CACNA2D1: variants seen among roughly 807,000 people sequenced by gnomAD.
CACNA2D1 encodes the protein calcium voltage-gated channel auxiliary subunit alpha2delta 1.
In CACNA2D1, 53 loss-of-function variants were observed where a neutral mutation model predicts 171.5. That is an observed-to-expected ratio of 0.31 (90% CI 0.25 to 0.39). CACNA2D1 has a LOEUF of 0.39. CACNA2D1 is among the 10% of genes least tolerant of loss of function. The pLI is 1.00. For synonymous variants in CACNA2D1, 442 were observed against 443.1 expected, an observed-to-expected ratio of 1.00 and a Z score of 0.03; for missense variants, 903 against 1,299.8, an observed-to-expected ratio of 0.69 and a Z score of 4.69.
At chr7:82,228,255 CA>C (rs1249086198) in intron 3 of CACNA2D1, among the ~76,000 whole-genome samples, 6 of 152,110 alleles carry the variant, frequency 3.9e-5, no homozygotes, top group African/African-American at 1.4e-4. Flanking sequence ...ATGAGTTTTA[CA>C]GCTGCCAAAA....
At chr7:82,102,312 A>G (rs1029530245) in intron 6 of CACNA2D1, among the ~76,000 whole-genome samples, 2 of 152,156 alleles carry the variant, frequency 1.3e-5, no homozygotes, top group African/African-American at 4.8e-5. Context: ...GGGAAAAAAA[A>G]TCCTGAGAAG....
chr7:82,423,960 A>G (rs1389683725), intron 1 of CACNA2D1, among the ~76,000 whole-genome samples: 1 of 152,148 alleles, frequency 6.6e-6, no homozygotes, highest in East Asian at 1.9e-4. Context: ...TAAGTAAAAG[A>G]AGGTTTATAA....
Position 81,947,826 on chromosome 7 carries a change from A to T in CACNA2D1, c.*2566T>A, listed in dbSNP as rs2129884118. On this transcript the variant is annotated 3_prime_UTR_variant, in exon 39 of 39. Transcript: ENST00000356860. Reference sequence around the variant, plus strand: ...AAATATGCTAAAAGCATGAAGACTAATATTAGTCATGGGAACAACTTTTAT... The same window carrying T: ...AAATATGCTAAAAGCATGAAGACTATTATTAGTCATGGGAACAACTTTTAT... 1 of 152,030 alleles carries T rather than the reference A, an allele frequency of 6.6e-6. No individual in the cohort carries two copies. The highest frequency in any genetic ancestry group is 1.9e-4 in the East Asian group (1 of 5,176). 9.4% of individuals were successfully genotyped at this position (152,030 alleles called of 1,614,324 possible). A position where few individuals can be genotyped will look rare whatever the true frequency, so the allele number is the denominator to read the frequency against.
chr7:82,148,306 AATG>A (rs1183418395), intron 4 of CACNA2D1, among the ~76,000 whole-genome samples: 1 of 152,012 alleles, frequency 6.6e-6, no homozygotes, highest in Non-Finnish European at 1.5e-5. Context: ...AAGAAGTCTA[AATG>A]ATGAGGCATA....
chr7:82,255,429 T>C (rs1712184604), intron 3 of CACNA2D1, among the ~76,000 whole-genome samples: 2 of 152,176 alleles, frequency 1.3e-5, no homozygotes, highest in African/African-American at 4.8e-5. Context: ...AGGTGAGCAC[T>C]TTATAAATAT....
intron 1 of CACNA2D1, among the ~76,000 whole-genome samples, chr7:82,437,342 G>GA (rs1830183055): frequency 6.6e-6 from 1 of 151,862 alleles, no homozygotes; most frequent in Non-Finnish European, 1.5e-5. Context: ...TAATTACACA[G>GA]AAAAAAAGAG....
intron 4 of CACNA2D1, among the ~76,000 whole-genome samples, chr7:82,169,358 C>T (rs910133082): frequency 6.6e-6 from 1 of 151,830 alleles, no homozygotes; most frequent in Non-Finnish European, 1.5e-5. Context: ...AATATTAATA[C>T]CAATCAAGTT....
At chr7:82,370,904 A>G (rs908060923) in intron 1 of CACNA2D1, among the ~76,000 whole-genome samples, 3 of 152,198 alleles carry the variant, frequency 2.0e-5, no homozygotes, top group African/African-American at 7.2e-5. Context: ...TAATGAAAAG[A>G]TCCCAAGAAC....
intron 3 of CACNA2D1, among the ~76,000 whole-genome samples, chr7:82,312,509 CTTTTTT>C (rs557443177): frequency 1.7e-5 from 2 of 118,990 alleles, no homozygotes; most frequent in African/African-American, 3.3e-5. Context: ...TTAACTGAAA[CTTTTTT>C]TTTTTTTTTT....
chr7:82,227,517 G>A (rs2214725), intron 3 of CACNA2D1, among the ~76,000 whole-genome samples: 134,984 of 152,150 alleles, frequency 0.89, 60,087 homozygotes, highest in East Asian at 1. Context: ...GGACTTATCA[G>A]TAATAGTGAC....
intron 3 of CACNA2D1, among the ~76,000 whole-genome samples, chr7:82,220,938 C>T (rs1176478434): frequency 2.0e-5 from 3 of 151,924 alleles, no homozygotes; most frequent in Non-Finnish European, 4.4e-5. Flanking sequence ...GCCACCATGC[C>T]CGGCTATTTG....
At chr7:82,263,102 C>CTT (rs759968270) in intron 3 of CACNA2D1, among the ~76,000 whole-genome samples, 11,718 of 107,862 alleles carry the variant, frequency 0.11, 1,913 homozygotes, top group African/African-American at 0.29. Context: ...CATAACACCA[C>CTT]TTTTTTTTTT....
At chr7:82,059,512 G>T (rs1036230632) in intron 10 of CACNA2D1, among the ~76,000 whole-genome samples, 4 of 152,070 alleles carry the variant, frequency 2.6e-5, no homozygotes, top group Non-Finnish European at 5.9e-5. Context: ...TAATCATACT[G>T]CCAAGTTGCT....
chr7:82,038,260 T>A, intron 10 of CACNA2D1, 25 bp from the exon 11 acceptor site: 1 of 1,592,468 alleles, frequency 6.3e-7, no homozygotes, highest in East Asian at 2.2e-5. Flanking sequence ...AAAGTAAATA[T>A]ATAAATGAAC....
intron 35 of CACNA2D1, among the ~76,000 whole-genome samples, 199 bp downstream of exon 35, chr7:81,962,241 G>A (rs1794222773): frequency 6.6e-6 from 1 of 151,912 alleles, no homozygotes; most frequent in African/African-American, 2.4e-5. Context: ...AGATGGCTAT[G>A]AGATCAGGCC....
intron 5 of CACNA2D1, among the ~76,000 whole-genome samples, chr7:82,121,210 C>A (rs1789694712): frequency 1.3e-5 from 2 of 152,096 alleles, no homozygotes; most frequent in Non-Finnish European, 2.9e-5. Context: ...TTCCATCATA[C>A]CCACCTAGGT....
intron 3 of CACNA2D1, among the ~76,000 whole-genome samples, chr7:82,186,081 G>C (rs1390891335): frequency 1.3e-5 from 2 of 151,738 alleles, no homozygotes; most frequent in East Asian, 2.0e-4. Flanking sequence ...GCTTGAACCC[G>C]GGAGGTGGAG....
intron 4 of CACNA2D1, among the ~76,000 whole-genome samples, chr7:82,159,967 T>A (rs1794773032): frequency 6.6e-6 from 1 of 150,492 alleles, no homozygotes; most frequent in South Asian, 2.1e-4. Context: ...ATCTCTGAAA[T>A]AAAATTAAAA....
At chr7:82,220,934 A>G (rs2129248999) in intron 3 of CACNA2D1, among the ~76,000 whole-genome samples, 1 of 152,108 alleles carries the variant, frequency 6.6e-6, no homozygotes, top group African/African-American at 2.4e-5. Flanking sequence ...GCGTGCCACC[A>G]TGCCCGGCTA....
Sources: allele counts gnomAD v4.1 joint callset (sites outside exome capture counted in the v4.1 genomes callset), GRCh38; gene constraint gnomAD v4.1.1; transcripts MANE v1.5; gene names NCBI Gene and HGNC (gene_info 2026-07-23, HGNC 2026-07-21).